Variants in MCF2L observed in about 807,000 individuals in gnomAD.
MCF2L encodes guanine nucleotide exchange factor DBS.
Under a neutral mutation model 153.4 loss-of-function variants are expected in MCF2L, and 97 were observed. That is an observed-to-expected ratio of 0.63 (90% CI 0.54 to 0.75). The LOEUF is 0.75. Ranked by LOEUF, MCF2L falls within the 30% of genes least tolerant of loss-of-function variation. MCF2L has a pLI of 0.00. For missense variants in MCF2L, 1,347 were observed against 1,495.2 expected, an observed-to-expected ratio of 0.90 and a Z score of 1.64; for synonymous variants, 659 against 632.2, an observed-to-expected ratio of 1.04 and a Z score of -0.64.
intron 3 of MCF2L, among the ~76,000 whole-genome samples, chr13:113,039,392 A>G (rs954720892): frequency 5.3e-5 from 8 of 152,244 alleles, no homozygotes; most frequent in African/African-American, 1.7e-4. Context: ...ATTTCAGAGT[A>G]AGAAAAGATT....
chr13:113,092,663 GCCT>G (rs2035317186), intron 26 of MCF2L, among the ~76,000 whole-genome samples: 1 of 152,270 alleles, frequency 6.6e-6, no homozygotes, highest in African/African-American at 2.4e-5. Flanking sequence ...CCATCACCCG[GCCT>G]CCTGCCTTCA....
At chr13:112,995,379 G>A (rs947129422) in intron 1 of MCF2L, among the ~76,000 whole-genome samples, 13 of 152,310 alleles carry the variant, frequency 8.5e-5, no homozygotes, top group African/African-American at 2.6e-4. Context: ...CCAGTATACC[G>A]TCAGCACTAA....
chr13:112,909,513 A>G, intron 2 of MCF2L: 1 of 511,266 alleles, frequency 2.0e-6, no homozygotes, highest in East Asian at 2.9e-5. Flanking sequence ...GAGGGTGCGC[A>G]GCCAGCGGGT....
intron 4 of MCF2L, among the ~76,000 whole-genome samples, chr13:113,051,340 T>G (rs541729341): frequency 7.4e-4 from 112 of 152,292 alleles, no homozygotes; most frequent in African/African-American, 2.7e-3. Flanking sequence ...CCTACTCCGG[T>G]GGTCCCAGGG....
intron 3 of MCF2L, among the ~76,000 whole-genome samples, chr13:113,026,174 G>T (rs61967114): frequency 4.9e-5 from 2 of 40,446 alleles, no homozygotes; most frequent in Non-Finnish European, 5.5e-5. Flanking sequence ...GTTCCACCAT[G>T]GTGGGGTCCC....
Position 113,075,144 on chromosome 13 carries a change from G to A in MCF2L, c.1263G>A (p.Arg421=), listed in dbSNP as rs544709160. The A allele has an allele frequency of 1.8e-5, 29 of 1,612,220 alleles. No homozygotes were observed. The East Asian group carries it at 2.5e-4, about 14-fold the overall frequency. ...TCTCTGCGGAGATCGCAAGGAGGAG[G>A]GGGCTGCTCAGCAAGTCCCTGGAGC... ...DQFSAEIARR[R]GLLSKSLELH... is the part of the protein sequence containing the mutation. Residue 421 remains arginine (R), a synonymous_variant, in exon 11 of 30, where the codon AGG becomes AGA. Coordinates refer to ENST00000535094, the MANE Select transcript of MCF2L (RefSeq NM_001112732.3).
In MCF2L at chr13:113,087,427, C is replaced by T. The variant is rs1476156601; in HGVS notation, c.2566C>T (p.Pro856Ser). The change falls in exon 22 of 30, where the codon CCC becomes TCC. Residue 856 changes from proline (P) to serine (S), a missense_variant. This residue lies in a region of MCF2L where 144 missense variants were observed against 238.7 expected (regional missense o/e 0.60). Coordinates refer to ENST00000535094, the MANE Select transcript of MCF2L (RefSeq NM_001112732.3). The stretch of plus-strand genomic sequence containing the variant: ...GAATGGGGAGGGGTATGAGAAAGCT[C>T]CCTCCTACAGCTACAAGCAGTCCTT... ...EENGEGYEKA[P>S]SYSYKQSLNM... 6.2e-7 allele frequency: 1 copy of T among 1,612,054 alleles called. No homozygotes were observed. The highest frequency in any genetic ancestry group is 1.7e-5 in the Admixed American group (1 of 59,898).
intron 3 of MCF2L, among the ~76,000 whole-genome samples, chr13:113,032,381 A>C (rs997926350): frequency 6.6e-6 from 1 of 152,160 alleles, no homozygotes; most frequent in African/African-American, 2.4e-5. Flanking sequence ...TGAAGCTTCC[A>C]CTTCACCTCC....
intron 1 of MCF2L, among the ~76,000 whole-genome samples, chr13:112,994,953 G>A (rs1488153744): frequency 6.6e-6 from 1 of 152,248 alleles, no homozygotes; most frequent in Non-Finnish European, 1.5e-5. Context: ...CTGCGTCCGT[G>A]TGCACCGGGC....
chr13:112,896,219 G>C (rs911332448), intron 1 of MCF2L, among the ~76,000 whole-genome samples: 2 of 152,198 alleles, frequency 1.3e-5, no homozygotes, highest in African/African-American at 2.4e-5. Flanking sequence ...AAGATGAAAG[G>C]TCTGTGTGCA....
rs557924043 is a variant in MCF2L at position 113,082,726 on chromosome 13, C to T, written c.1991+184C>T. ...ACATGGGGCCATCTCTGAGCGCCCACGTGGCACCGTACCTGGTGGCCTGTG... is the reference window on the plus strand; with the variant it reads ...ACATGGGGCCATCTCTGAGCGCCCATGTGGCACCGTACCTGGTGGCCTGTG... On this transcript the variant is annotated intron_variant, in intron 17 of 29. Transcript: ENST00000535094. Among the ~76,000 whole-genome samples the T allele has an allele frequency of 5.3e-5, 8 of 152,306 alleles. No homozygotes were observed. The East Asian group carries it at 5.8e-4, about 11-fold the overall frequency.
rs111959177 is a variant in MCF2L at position 112,905,932 on chromosome 13, T to C, written c.169+3561T>C. Among the ~76,000 whole-genome samples, 1,218 of 152,328 alleles carry C rather than the reference T, an allele frequency of 8.0e-3. 18 individuals carry two copies. Among genetic ancestry groups the C allele is most frequent in the African/African-American group, 0.028 (1,155 of 41,564 alleles). ...AATTGCCGCATCATGCAAGTATTTA[T>C]TTTGAAACCATGATAGAAGGTGATT... On this transcript the variant is annotated intron_variant, in intron 2 of 29. Coordinates refer to the MCF2L transcript ENST00000375608.
At chr13:112,930,053 C>G (rs1006736147) in intron 2 of MCF2L, among the ~76,000 whole-genome samples, 2 of 152,214 alleles carry the variant, frequency 1.3e-5, no homozygotes, top group African/African-American at 4.8e-5. Flanking sequence ...CAAAACCTCA[C>G]AACGCCTGGT....
intron 2 of MCF2L, among the ~76,000 whole-genome samples, chr13:113,018,652 CA>C (rs1215504516): frequency 2.4e-4 from 36 of 152,280 alleles, no homozygotes; most frequent in African/African-American, 8.4e-4. Flanking sequence ...AAAGATACTT[CA>C]ACTTGCTGAC....
chr13:113,026,946 A>G (rs541238396), intron 3 of MCF2L: 1 of 777,152 alleles, frequency 1.3e-6, no homozygotes, highest in Non-Finnish European at 2.4e-6. Context: ...CTCTCATCTG[A>G]TGTGCTCGTC....
At chr13:112,906,528 G>A (rs2081174701) in intron 2 of MCF2L, among the ~76,000 whole-genome samples, 1 of 152,208 alleles carries the variant, frequency 6.6e-6, no homozygotes, top group Non-Finnish European at 1.5e-5. Context: ...GGGTGCGTGT[G>A]GAGCTTGTCT....
At position 112,943,946 on chromosome 13, in the gene MCF2L, C is replaced by T. The variant is rs1594363533; in HGVS notation, c.169+41575C>T. ...GCATTGAGGAGCTGAGCCCTGCGGG[C>T]CAGGGGCGCAGAGAGGGTCCCGGGC... On this transcript the variant is annotated intron_variant, in intron 2 of 29. Transcript: ENST00000375608. The surrounding 1 kb of genome is among the most constrained non-coding windows in gnomAD (Gnocchi z 4.2). 6.7e-6 allele frequency among the ~76,000 whole-genome samples: 1 copy of T among 148,428 alleles called. No individual in the cohort carries two copies. Among genetic ancestry groups the T allele is most frequent in the South Asian group, 2.1e-4 (1 of 4,772 alleles).
chr13:112,999,426 C>T (rs946881644), intron 1 of MCF2L, among the ~76,000 whole-genome samples: 1 of 152,050 alleles, frequency 6.6e-6, no homozygotes, highest in African/African-American at 2.4e-5. Context: ...TCTGGCACCG[C>T]TCACTCACTG....
At chr13:113,091,256 G>C (rs1318020973) in intron 26 of MCF2L, 2 of 1,292,490 alleles carry the variant, frequency 1.5e-6, no homozygotes, top group Non-Finnish European at 2.0e-6. Flanking sequence ...CGGCCCAGCT[G>C]GCTGTCAGGT....
Sources: allele counts gnomAD v4.1 joint callset (sites outside exome capture counted in the v4.1 genomes callset), GRCh38; gene constraint gnomAD v4.1.1; regional missense constraint gnomAD v4.1.1; non-coding constraint Gnocchi (gnomAD v3.1); transcripts MANE v1.5; gene names NCBI Gene and HGNC (gene_info 2026-07-23, HGNC 2026-07-21).